The following PRKN variants were observed in gnomAD, a reference collection of about 807,000 sequenced individuals.
PRKN encodes the protein parkin RBR E3 ubiquitin protein ligase.
PRKN carries 56 observed loss-of-function variants against 59.5 expected under a neutral mutation model. The ratio of observed to expected loss-of-function variants is 0.94; its 90% CI spans 0.76 to 1.18. PRKN has a LOEUF of 1.18. PRKN is among the 50% of genes most tolerant of loss of function. PRKN has a pLI of 0.00. For missense variants in PRKN, 657 were observed against 596.4 expected, an observed-to-expected ratio of 1.10 and a Z score of -1.06; for synonymous variants, 250 against 222.1, an observed-to-expected ratio of 1.13 and a Z score of -1.12.
intron 1 of PRKN, among the ~76,000 whole-genome samples, chr6:162,710,626 A>G (rs1778501985): frequency 6.6e-6 from 1 of 152,086 alleles, no homozygotes; most frequent in Non-Finnish European, 1.5e-5. Context: ...TCAATTCTAT[A>G]ATAAGAACTG....
chr6:162,155,964 C>G (rs1283017887), intron 4 of PRKN, among the ~76,000 whole-genome samples: 1 of 152,116 alleles, frequency 6.6e-6, no homozygotes, highest in Non-Finnish European at 1.5e-5. Flanking sequence ...CAACTTGCTT[C>G]TTTAAAACCA....
chr6:162,596,961 C>T (rs183797088), intron 1 of PRKN, among the ~76,000 whole-genome samples: 7 of 152,222 alleles, frequency 4.6e-5, no homozygotes, highest in Admixed American at 2.6e-4. Flanking sequence ...ATACTAGTTC[C>T]GGGTTTCAGA....
At chr6:161,564,728 T>TTC (rs373700280) in intron 8 of PRKN, among the ~76,000 whole-genome samples, 4 of 151,080 alleles carry the variant, frequency 2.6e-5, no homozygotes, top group South Asian at 2.1e-4. Context: ...TGACATCCAT[T>TTC]TCTCTCTCTC....
chr6:161,579,154 G>A lies in PRKN; in HGVS notation c.872-9738C>T, dbSNP rs1477510103. ...GAGAAAGGAAAGGGAGGAAGTGAAG[G>A]AGATGGAATTTTGTGCTCTCTTTAA... On this transcript the variant is annotated intron_variant, in intron 7 of 11. Coordinates refer to ENST00000366898, the MANE Select transcript of PRKN (RefSeq NM_004562.3). The surrounding 1 kb of genome is among the most constrained non-coding windows in gnomAD (Gnocchi z 4.2). Among the ~76,000 whole-genome samples, 1 of 152,228 alleles carries A rather than the reference G, an allele frequency of 6.6e-6. No homozygotes were observed. Among genetic ancestry groups the A allele is most frequent in the Admixed American group, 6.5e-5 (1 of 15,278 alleles).
chr6:162,209,421 A>G (rs1336325574), intron 3 of PRKN, among the ~76,000 whole-genome samples: 1 of 152,160 alleles, frequency 6.6e-6, no homozygotes, highest in East Asian at 1.9e-4. Flanking sequence ...CTCATGCCAG[A>G]TAGAATGGCA....
At chr6:161,841,641 C>T (rs1020603061) in intron 6 of PRKN, among the ~76,000 whole-genome samples, 4 of 152,172 alleles carry the variant, frequency 2.6e-5, no homozygotes, top group South Asian at 2.1e-4. Flanking sequence ...TGAGCCACCA[C>T]GCCTGGCCCA....
chr6:162,612,192 CAAAAAAAAA>C (rs796515239), intron 1 of PRKN, among the ~76,000 whole-genome samples: 128 of 64,866 alleles, frequency 2.0e-3, no homozygotes, highest in African/African-American at 8.0e-3. Context: ...GACTCCATCT[CAAAAAAAAA>C]AAAAAAAAAA....
chr6:162,583,456 C>A (rs892594815), intron 1 of PRKN, among the ~76,000 whole-genome samples: 1 of 152,160 alleles, frequency 6.6e-6, no homozygotes, highest in South Asian at 2.1e-4. Flanking sequence ...AAACAAAACT[C>A]CACCTGTGAA....
At chr6:162,727,766 TC>T, upstream of PRKN, 1 of 1,279,874 alleles carries the variant, frequency 7.8e-7, no homozygotes, top group Non-Finnish European at 1.1e-6. Context: ...GGTTAAATCC[TC>T]CAGGCCTCCC....
chr6:161,795,477 G>A (rs1014814938), intron 6 of PRKN, among the ~76,000 whole-genome samples: 10 of 151,184 alleles, frequency 6.6e-5, no homozygotes, highest in South Asian at 2.1e-4. Context: ...CAAGTGATCC[G>A]CCCGCCTCAG....
chr6:162,472,073 G>C lies in PRKN; in HGVS notation c.8-28600C>G, dbSNP rs1413825583. ...CAATGACACTGGGGAACGCTTTGTG[G>C]ATGGAATGACTACATAATAACAGGA... On this transcript the variant is annotated intron_variant, in intron 1 of 11. Transcript: ENST00000366898. Among the ~76,000 whole-genome samples, 2 of 152,142 alleles carry C rather than the reference G, an allele frequency of 1.3e-5. 1 individual carries two copies. Among genetic ancestry groups the C allele is most frequent in the East Asian group, 3.9e-4 (2 of 5,174 alleles).
At chr6:162,706,554 T>G (rs1258113333) in intron 1 of PRKN, among the ~76,000 whole-genome samples, 1 of 152,222 alleles carries the variant, frequency 6.6e-6, no homozygotes, top group African/African-American at 2.4e-5. Context: ...TGGGCGGCCA[T>G]GTCGTCCAAG....
intron 1 of PRKN, among the ~76,000 whole-genome samples, chr6:162,680,096 CAT>C (rs1779712370): frequency 6.6e-6 from 1 of 151,770 alleles, no homozygotes. Flanking sequence ...TTATTAAATA[CAT>C]ATAACACATT....
chr6:161,816,779 G>C (rs1488314945), intron 6 of PRKN, among the ~76,000 whole-genome samples: 1 of 151,868 alleles, frequency 6.6e-6, no homozygotes, highest in Non-Finnish European at 1.5e-5. Flanking sequence ...CCCCAATTTT[G>C]CTATTGAGCA....
In PRKN at chr6:161,849,479, G is replaced by A. The variant is rs564694091; in HGVS notation, c.735-63571C>T. Among the ~76,000 whole-genome samples, 232 of 152,052 alleles carry A rather than the reference G, an allele frequency of 1.5e-3. 9 individuals are homozygous for A. The highest frequency in any genetic ancestry group is 0.015 in the Admixed American group (231 of 15,270). ...AAAAATAATAATTTCTTCAACTTCAGTCTTTTGTGTTTGCCGAAACCCACC... is the reference window on the plus strand; with the variant it reads ...AAAAATAATAATTTCTTCAACTTCAATCTTTTGTGTTTGCCGAAACCCACC... On this transcript the variant is annotated intron_variant, in intron 6 of 11. Coordinates refer to ENST00000366898, the MANE Select transcript of PRKN (RefSeq NM_004562.3).
At position 162,177,561 on chromosome 6, in the gene PRKN, T is replaced by C. The variant is rs142654678; in HGVS notation, c.534+23570A>G. 3.0e-3 allele frequency among the ~76,000 whole-genome samples: 463 copies of C among 152,236 alleles called. 6 individuals carry two copies. Among genetic ancestry groups the C allele is most frequent in the African/African-American group, 9.9e-3 (411 of 41,564 alleles). On this transcript the variant is annotated intron_variant, in intron 4 of 11. Transcript: ENST00000366898. ...TTAAAAATATTCTATCAAAATAACATAGTGCTTCCACCAGGTGTGTGTCAA... is the reference window on the plus strand; with the variant it reads ...TTAAAAATATTCTATCAAAATAACACAGTGCTTCCACCAGGTGTGTGTCAA...
chr6:162,177,227 T>A (rs1783580963), intron 4 of PRKN, among the ~76,000 whole-genome samples: 1 of 152,032 alleles, frequency 6.6e-6, no homozygotes, highest in Non-Finnish European at 1.5e-5. Context: ...TCATAAAAAA[T>A]TTTTAAAAAT....
intron 7 of PRKN, among the ~76,000 whole-genome samples, chr6:161,583,077 T>C (rs2087664086): frequency 6.6e-6 from 1 of 151,920 alleles, no homozygotes; most frequent in South Asian, 2.1e-4. Context: ...CATGATTTAC[T>C]GGTTAATTTT....
chr6:162,382,103 T>G (rs985673258), intron 2 of PRKN, among the ~76,000 whole-genome samples: 2 of 152,128 alleles, frequency 1.3e-5, no homozygotes, highest in Non-Finnish European at 2.9e-5. Context: ...AGATTTTTAT[T>G]TTATCCTATA....
Sources: gnomAD v4.1 joint callset for allele counts (sites outside exome capture counted in the v4.1 genomes callset) on GRCh38, gnomAD v4.1.1 for gene constraint, Gnocchi (gnomAD v3.1) non-coding constraint, MANE v1.5 for transcripts, NCBI Gene and HGNC (gene_info 2026-07-23, HGNC 2026-07-21) for gene names.